Variants in FHIT observed in about 807,000 individuals in gnomAD.
FHIT encodes the protein fragile histidine triad diadenosine triphosphatase, also known as bis(5'-adenosyl)-triphosphatase.
FHIT carries 19 observed loss-of-function variants against 17.9 expected under a neutral mutation model. The ratio of observed to expected loss-of-function variants is 1.06; its 90% CI spans 0.74 to 1.56. The LOEUF is 1.56. Among genes scored for constraint, FHIT ranks in the 40% most tolerant of loss-of-function variants. FHIT has a pLI of 0.00. For synonymous variants in FHIT, 81 were observed against 69.7 expected, an observed-to-expected ratio of 1.16 and a Z score of -0.81; for missense variants, 248 against 189.2, an observed-to-expected ratio of 1.31 and a Z score of -1.82.
intron 5 of FHIT, among the ~76,000 whole-genome samples, chr3:60,458,490 A>G (rs998475777): frequency 6.6e-6 from 1 of 151,778 alleles, no homozygotes; most frequent in African/African-American, 2.4e-5. Flanking sequence ...CTAATGTTAA[A>G]TGATGAGTTA....
rs1001397501 is a variant in FHIT, at chr3:60,043,655, G to C, written c.104-29503C>G. On this transcript the variant is annotated intron_variant, in intron 5 of 9. Coordinates refer to ENST00000492590, the MANE Select transcript of FHIT (RefSeq NM_002012.4). ...CCCAGTATATGTGTACACATATTCT[G>C]TGCATGTTATAGATAGACAGATAGA... 2.2e-5 allele frequency among the ~76,000 whole-genome samples: 3 copies of C among 138,356 alleles called. No individual in the cohort carries two copies. The South Asian group carries it at 6.9e-4, about 32-fold the overall frequency. 90.8% of individuals were successfully genotyped at this position (138,356 alleles called of 152,430 possible).
intron 4 of FHIT, among the ~76,000 whole-genome samples, chr3:60,575,316 A>G (rs2037529432): frequency 6.6e-6 from 1 of 152,180 alleles, no homozygotes; most frequent in African/African-American, 2.4e-5. Flanking sequence ...AGATTAAGGA[A>G]TTAGAAATGT....
chr3:60,996,514 C>T (rs1204746220), intron 3 of FHIT, among the ~76,000 whole-genome samples: 2 of 152,140 alleles, frequency 1.3e-5, no homozygotes, highest in East Asian at 3.9e-4. Context: ...AATACTATTG[C>T]TTCTATTTGA....
intron 8 of FHIT, among the ~76,000 whole-genome samples, chr3:59,825,406 A>G (rs1015899197): frequency 3.3e-5 from 5 of 152,160 alleles, no homozygotes; most frequent in African/African-American, 1.2e-4. Flanking sequence ...TTCAATTTCT[A>G]GAGGGATAGT....
intron 4 of FHIT, among the ~76,000 whole-genome samples, chr3:60,814,449 A>T (rs782582292): frequency 1.5e-4 from 23 of 152,300 alleles, no homozygotes; most frequent in East Asian, 7.7e-4. Context: ...ACAAGTGAGA[A>T]CATGTGGCAT....
At chr3:60,302,614 C>A (rs573599588) in intron 5 of FHIT, among the ~76,000 whole-genome samples, 2 of 152,230 alleles carry the variant, frequency 1.3e-5, no homozygotes, top group South Asian at 4.1e-4. Context: ...TAAGCAACTA[C>A]TTTGCAGAAC....
rs370482689 is a variant in FHIT, at chr3:60,208,129, A to G, written c.104-193977T>C. 5.3e-5 allele frequency among the ~76,000 whole-genome samples: 8 copies of G among 152,322 alleles called. No homozygotes were observed. In the East Asian group the frequency reaches 7.7e-4, roughly 15 times the overall value. ...GGGATACATTTAAATCTGTCATTTT[A>G]AATGTGTTTACACTTTTTCTGTGTA... is the stretch of plus-strand genomic sequence containing the variant. On this transcript the variant is annotated intron_variant, in intron 5 of 9. Coordinates refer to ENST00000492590, the MANE Select transcript of FHIT (RefSeq NM_002012.4).
At chr3:59,835,550 TAGATG>T (rs1701311150) in intron 8 of FHIT, among the ~76,000 whole-genome samples, 1 of 152,028 alleles carries the variant, frequency 6.6e-6, no homozygotes, top group African/African-American at 2.4e-5. Flanking sequence ...GTTCTAGGAG[TAGATG>T]TGTCCGAGTT....
intron 5 of FHIT, among the ~76,000 whole-genome samples, chr3:60,481,285 G>C (rs2033597974): frequency 6.6e-6 from 1 of 152,160 alleles, no homozygotes; most frequent in South Asian, 2.1e-4. Flanking sequence ...CCCCAACCTA[G>C]CAAGACAGAC....
intron 2 of FHIT, among the ~76,000 whole-genome samples, chr3:61,068,659 G>T (rs924313043): frequency 1.2e-4 from 18 of 151,028 alleles, no homozygotes; most frequent in African/African-American, 3.9e-4. Flanking sequence ...GATATCTTTG[G>T]GGGGAGGGCG....
At chr3:60,421,072 C>G (rs528614633) in intron 5 of FHIT, among the ~76,000 whole-genome samples, 5 of 150,598 alleles carry the variant, frequency 3.3e-5, no homozygotes, top group Non-Finnish European at 7.4e-5. Flanking sequence ...AAGCTTTGGC[C>G]GAAGACAGTT....
intron 2 of FHIT, among the ~76,000 whole-genome samples, chr3:61,107,137 C>T (rs186996062): frequency 4.7e-4 from 72 of 152,256 alleles, no homozygotes; most frequent in African/African-American, 1.6e-3. Flanking sequence ...GCCCACCCTC[C>T]GCGCCAACTC....
At chr3:60,740,243 T>C (rs1442204669) in intron 4 of FHIT, among the ~76,000 whole-genome samples, 10 of 152,214 alleles carry the variant, frequency 6.6e-5, no homozygotes, top group African/African-American at 2.2e-4. Context: ...CCTAAGAGCA[T>C]AAGCCAAAAG....
At chr3:60,900,207 G>C (rs539537249) in intron 3 of FHIT, among the ~76,000 whole-genome samples, 20 of 152,176 alleles carry the variant, frequency 1.3e-4, no homozygotes, top group Admixed American at 1.2e-3. Flanking sequence ...CAGAGTAATG[G>C]GGATTCAGGG....
intron 1 of FHIT, among the ~76,000 whole-genome samples, chr3:61,205,608 C>T (rs758741324): frequency 3.9e-5 from 6 of 152,144 alleles, no homozygotes; most frequent in South Asian, 2.1e-4. Flanking sequence ...CTTTTGGCTG[C>T]GTAAATGTCT....
At chr3:60,185,254 GAA>G (rs35292894) in intron 5 of FHIT, among the ~76,000 whole-genome samples, 1 of 147,802 alleles carries the variant, frequency 6.8e-6, no homozygotes, top group African/African-American at 2.5e-5. Flanking sequence ...ATGGTGTGGG[GAA>G]AAAAAAAAAT....
chr3:61,103,431 AT>A (rs2035895414), intron 2 of FHIT, among the ~76,000 whole-genome samples: 1 of 152,120 alleles, frequency 6.6e-6, no homozygotes, highest in African/African-American at 2.4e-5. Context: ...GTTTGCTGTG[AT>A]TCCTTTTCTT....
chr3:61,243,114 G>C (rs1476068074), intron 1 of FHIT, among the ~76,000 whole-genome samples: 1 of 152,174 alleles, frequency 6.6e-6, no homozygotes, highest in African/African-American at 2.4e-5. Context: ...GAATGAACGA[G>C]GACAGCTTGG....
At chr3:61,043,312 G>T (rs922651887) in intron 2 of FHIT, among the ~76,000 whole-genome samples, 1 of 151,406 alleles carries the variant, frequency 6.6e-6, no homozygotes, top group African/African-American at 2.4e-5. Flanking sequence ...TATATCCCGC[G>T]CCTAGCTCGG....
Sources: allele counts gnomAD v4.1 joint callset (sites outside exome capture counted in the v4.1 genomes callset), GRCh38; gene constraint gnomAD v4.1.1; transcripts MANE v1.5; gene names NCBI Gene and HGNC (gene_info 2026-07-23, HGNC 2026-07-21).